Variants in FGF12 observed in about 807,000 individuals in gnomAD.
FGF12 encodes fibroblast growth factor 12B.
A neutral mutation model predicts 23.6 loss-of-function variants in FGF12; 14 were observed. The ratio of observed to expected loss-of-function variants is 0.59; its 90% CI spans 0.39 to 0.93. The LOEUF (loss-of-function observed/expected upper bound fraction) is 0.93, where lower values mean the gene tolerates loss of function less well. FGF12 is among the 40% of genes least tolerant of loss of function. The probability of loss-of-function intolerance (pLI) is 0.00; values close to 1 mark genes in which losing one functional copy is unlikely to be tolerated. For missense variants in FGF12, 175 were observed against 217.8 expected, an observed-to-expected ratio of 0.80 and a Z score of 1.24; for synonymous variants, 62 against 77.3, an observed-to-expected ratio of 0.80 and a Z score of 1.04.
At chr3:192,536,364 G>A (rs1472144336) in intron 2 of FGF12, among the ~76,000 whole-genome samples, 5 of 152,120 alleles carry the variant, frequency 3.3e-5, no homozygotes, top group East Asian at 1.9e-4. Flanking sequence ...TAAAACATAT[G>A]GTGAGAAATA....
intron 2 of FGF12, among the ~76,000 whole-genome samples, chr3:192,584,207 C>A (rs1713279424): frequency 6.6e-6 from 1 of 152,078 alleles, no homozygotes; most frequent in Non-Finnish European, 1.5e-5. Context: ...CCTTTGTTAA[C>A]CTTTGAAATC....
intron 2 of FGF12, among the ~76,000 whole-genome samples, chr3:192,427,622 G>C (rs1721734969): frequency 6.6e-6 from 1 of 152,180 alleles, no homozygotes; most frequent in South Asian, 2.1e-4. Context: ...AATAGCAGTA[G>C]AGTGGTTCTC....
At chr3:192,307,145 G>C (rs536106661) in intron 4 of FGF12, among the ~76,000 whole-genome samples, 2 of 152,254 alleles carry the variant, frequency 1.3e-5, no homozygotes, top group Admixed American at 1.3e-4. Flanking sequence ...TCATGTGATG[G>C]AAGACAAATA....
chr3:192,497,950 A>C (rs2108830691), intron 2 of FGF12, among the ~76,000 whole-genome samples: 1 of 152,312 alleles, frequency 6.6e-6, no homozygotes, highest in Middle Eastern at 3.4e-3. Flanking sequence ...TAGTAATTAA[A>C]ATAGCACCTG....
rs1469295977 is a variant in FGF12, at chr3:192,660,995, T to A, written c.13+66186A>T. On this transcript the variant is annotated intron_variant, in intron 2 of 5. Transcript: ENST00000445105. ...AAACCCTAGTTCTTTAAAAAAAAAA[T>A]AATAATTTAATATTAAGAAAAAAAC... Among the ~76,000 whole-genome samples, 13 of 149,074 alleles carry A rather than the reference T, an allele frequency of 8.7e-5. 1 individual carries two copies. The highest frequency in any genetic ancestry group is 6.7e-4 in the Admixed American group (10 of 15,012).
intron 2 of FGF12, among the ~76,000 whole-genome samples, chr3:192,640,698 C>A (rs886876618): frequency 2.0e-5 from 3 of 152,162 alleles, no homozygotes; most frequent in Admixed American, 1.3e-4. Flanking sequence ...TTTCTATATA[C>A]AATTTGCTCT....
intron 2 of FGF12, among the ~76,000 whole-genome samples, chr3:192,445,440 T>C (rs1340230371): frequency 1.3e-5 from 2 of 152,222 alleles, no homozygotes; most frequent in South Asian, 4.1e-4. Flanking sequence ...AATTACACTA[T>C]TACTAGTTTT....
intron 4 of FGF12, among the ~76,000 whole-genome samples, chr3:192,211,858 C>T (rs929564701): frequency 2.6e-5 from 4 of 152,116 alleles, no homozygotes; most frequent in African/African-American, 9.7e-5. Flanking sequence ...ATAGCTTTCC[C>T]TTTCAAATAA....
chr3:192,327,658 C>A (rs997157834), intron 4 of FGF12, among the ~76,000 whole-genome samples: 1 of 150,256 alleles, frequency 6.7e-6, no homozygotes, highest in African/African-American at 2.4e-5. Flanking sequence ...TAAAAAAGGT[C>A]CAATGTTTGC....
intron 2 of FGF12, among the ~76,000 whole-genome samples, chr3:192,586,767 T>C (rs1560160096): frequency 6.6e-6 from 1 of 152,286 alleles, no homozygotes; most frequent in Non-Finnish European, 1.5e-5. Flanking sequence ...GGTAACGCCA[T>C]AGAGATCCAT....
At chr3:192,704,822 C>A (rs1269737526) in intron 2 of FGF12, among the ~76,000 whole-genome samples, 1 of 152,220 alleles carries the variant, frequency 6.6e-6, no homozygotes, top group Non-Finnish European at 1.5e-5. Context: ...TTTTGTATAA[C>A]TTGCTGCAGC....
intron 2 of FGF12, among the ~76,000 whole-genome samples, chr3:192,498,232 A>G (rs752447097): frequency 1.3e-5 from 2 of 152,154 alleles, no homozygotes; most frequent in African/African-American, 4.8e-5. Context: ...TTTTGATTAT[A>G]TATTTGCTCC....
At chr3:192,689,356 T>C (rs1717869908) in intron 2 of FGF12, among the ~76,000 whole-genome samples, 1 of 152,176 alleles carries the variant, frequency 6.6e-6, no homozygotes, top group Non-Finnish European at 1.5e-5. Context: ...CTCATGAATA[T>C]GTACAAATAT....
chr3:192,351,222 A>G (rs1050440298), intron 3 of FGF12, among the ~76,000 whole-genome samples: 5 of 152,208 alleles, frequency 3.3e-5, no homozygotes, highest in African/African-American at 1.2e-4. Context: ...ACTGGATATT[A>G]TCTTTTCTAA....
At chr3:192,498,649 A>G (rs1724030773) in intron 2 of FGF12, among the ~76,000 whole-genome samples, 1 of 152,020 alleles carries the variant, frequency 6.6e-6, no homozygotes, top group Non-Finnish European at 1.5e-5. Context: ...GGTCCTAGGA[A>G]TTAAACCCTG....
chr3:192,513,640 A>C (rs1724561744), intron 2 of FGF12, among the ~76,000 whole-genome samples: 1 of 152,240 alleles, frequency 6.6e-6, no homozygotes, highest in Non-Finnish European at 1.5e-5. Flanking sequence ...TAACATATGG[A>C]GTTTTAAACA....
At chr3:192,530,052 T>G (rs1725048008) in intron 2 of FGF12, among the ~76,000 whole-genome samples, 1 of 152,190 alleles carries the variant, frequency 6.6e-6, no homozygotes. Flanking sequence ...CTACCAACCA[T>G]TACATTTATT....
rs1716037321 is a variant in FGF12 at position 192,312,960 on chromosome 3, T to C, written c.228+22401A>G. Among the ~76,000 whole-genome samples the C allele has an allele frequency of 3.3e-5, 5 of 152,286 alleles. No individual in the cohort carries two copies. The South Asian group carries it at 1.0e-3, about 32-fold the overall frequency. On this transcript the variant is annotated intron_variant, in intron 4 of 5. Transcript: ENST00000445105. ...AATTGAATAGGTGAACAAATTAAAA[T>C]GAATGAATTCTAGAATTGGCACTTT... is the stretch of plus-strand genomic sequence containing the variant.
intron 2 of FGF12, among the ~76,000 whole-genome samples, chr3:192,581,049 C>T (rs1713113006): frequency 6.6e-6 from 1 of 151,980 alleles, no homozygotes; most frequent in South Asian, 2.1e-4. Flanking sequence ...CATAAAATGT[C>T]TATTAAAATG....
Sources: allele counts gnomAD v4.1 joint callset (sites outside exome capture counted in the v4.1 genomes callset), GRCh38; gene constraint gnomAD v4.1.1; transcripts MANE v1.5; gene names NCBI Gene and HGNC (gene_info 2026-07-23, HGNC 2026-07-21).